Variants in UBE2F observed in about 807,000 individuals in gnomAD.
The protein encoded by UBE2F is ubiquitin conjugating enzyme E2 F (putative).
A neutral mutation model predicts 29.6 loss-of-function variants in UBE2F; 5 were observed. The observed-to-expected ratio is 0.17, with a 90% CI of 0.09 to 0.36. The LOEUF (loss-of-function observed/expected upper bound fraction) is 0.36. Ranked by LOEUF, UBE2F falls within the 10% of genes least tolerant of loss-of-function variation. The probability of loss-of-function intolerance (pLI) is 1.00; values close to 1 mark genes in which losing one functional copy is unlikely to be tolerated. For synonymous variants in UBE2F, 66 were observed against 81.8 expected (o/e 0.81, Z 1.04); for missense variants, 141 against 228.5 (o/e 0.62, Z 2.47).
At position 238,040,711 on chromosome 2, in the gene UBE2F, C is replaced by T. The variant is rs2064820417; in HGVS notation, c.508-577C>T. On this transcript the variant is annotated intron_variant, in intron 9 of 9. Coordinates refer to ENST00000272930, the MANE Select transcript of UBE2F (RefSeq NM_080678.3). This position sits in a 1 kb window ranked among gnomAD's most constrained non-coding sequence, Gnocchi z 4.4. ...TGGGGTGATTCCTAGGTCCACACCG[C>T]CTTTGGTCACTGTCCACCTTCATTT... Among the ~76,000 whole-genome samples the T allele has an allele frequency of 6.6e-6, 1 of 152,132 alleles. No homozygotes were observed. The highest frequency in any genetic ancestry group is 6.5e-5 in the Admixed American group (1 of 15,278).
intron 6 of UBE2F, among the ~76,000 whole-genome samples, chr2:238,027,864 G>A (rs1390306883): frequency 6.6e-6 from 1 of 152,214 alleles, no homozygotes; most frequent in Non-Finnish European, 1.5e-5. Flanking sequence ...GCACACAGGA[G>A]CACCTTCCTC....
At chr2:237,984,474 C>T (rs528825049) in intron 2 of UBE2F, among the ~76,000 whole-genome samples, 15 of 152,232 alleles carry the variant, frequency 9.9e-5, no homozygotes, top group African/African-American at 2.9e-4. Context: ...ACTGTGCTTT[C>T]GCACATTGCT....
chr2:238,018,296 A>G (rs575680349), intron 5 of UBE2F, among the ~76,000 whole-genome samples: 2 of 152,344 alleles, frequency 1.3e-5, no homozygotes, highest in East Asian at 1.9e-4. Flanking sequence ...TTTGCTGCTA[A>G]ATACTTATGA....
chr2:237,976,679 C>T (rs968759208), intron 2 of UBE2F, among the ~76,000 whole-genome samples: 1 of 152,160 alleles, frequency 6.6e-6, no homozygotes, highest in Non-Finnish European at 1.5e-5. Context: ...TCCATTTATG[C>T]GGCAGAGCCC....
intron 5 of UBE2F, among the ~76,000 whole-genome samples, chr2:238,021,328 C>T (rs1368776177): frequency 6.6e-6 from 1 of 152,198 alleles, no homozygotes; most frequent in African/African-American, 2.4e-5. Context: ...TGAACTCCCA[C>T]TCTCCCTTCT....
chr2:237,990,557 A>G (rs937480967), intron 3 of UBE2F: 26 of 234,950 alleles, frequency 1.1e-4, no homozygotes, highest in Non-Finnish European at 1.9e-4. Flanking sequence ...CCTCAGGTGC[A>G]TGCTACCACG....
intron 2 of UBE2F, among the ~76,000 whole-genome samples, chr2:237,974,515 GTT>G (rs1183199556): frequency 8.7e-5 from 2 of 23,072 alleles, no homozygotes; most frequent in Non-Finnish European, 1.8e-4. Context: ...TTTTTTTTTT[GTT>G]TTTTTTTTTT....
intron 7 of UBE2F, among the ~76,000 whole-genome samples, chr2:238,031,611 T>C (rs73096378): frequency 6.6e-6 from 1 of 152,038 alleles, no homozygotes; most frequent in Admixed American, 6.6e-5. Context: ...AACTCTTGAG[T>C]TGATGAAGAG....
intron 4 of UBE2F, among the ~76,000 whole-genome samples, chr2:238,012,790 G>C (rs944988509): frequency 1.3e-5 from 2 of 152,180 alleles, no homozygotes; most frequent in African/African-American, 4.8e-5. Context: ...AGGCACCATG[G>C]CTGTTGTTTC....
At chr2:238,008,052 C>T (rs1169991761) in intron 4 of UBE2F, among the ~76,000 whole-genome samples, 1 of 152,136 alleles carries the variant, frequency 6.6e-6, no homozygotes, top group African/African-American at 2.4e-5. Flanking sequence ...ATCCTGGGCT[C>T]AAGCAGTCCT....
intron 4 of UBE2F, among the ~76,000 whole-genome samples, chr2:238,007,273 C>G (rs578034497): frequency 6.6e-6 from 1 of 152,064 alleles, no homozygotes; most frequent in African/African-American, 2.4e-5. Flanking sequence ...AGGTGCCCAC[C>G]ACCATGCCCA....
chr2:237,999,327 C>G (rs1224277717), intron 4 of UBE2F, among the ~76,000 whole-genome samples: 1 of 152,126 alleles, frequency 6.6e-6, no homozygotes, highest in Non-Finnish European at 1.5e-5. Flanking sequence ...ACCCTGGCCT[C>G]CCAAAGTGCT....
intron 5 of UBE2F, among the ~76,000 whole-genome samples, chr2:238,017,965 T>G (rs10167355): frequency 0.024 from 3,650 of 152,312 alleles, 144 homozygotes; most frequent in African/African-American, 0.083. Context: ...GGAAATTGAC[T>G]TTTTACCGGA....
intron 6 of UBE2F, among the ~76,000 whole-genome samples, chr2:238,028,023 A>G (rs7559863): frequency 0.021 from 3,172 of 152,334 alleles, 108 homozygotes; most frequent in African/African-American, 0.072. Flanking sequence ...CCAAGCTTCT[A>G]TTACAGTTCG....
chr2:237,990,011 G>A (rs1410811677), intron 3 of UBE2F, among the ~76,000 whole-genome samples: 4 of 151,240 alleles, frequency 2.6e-5, no homozygotes, highest in Admixed American at 2.0e-4. Flanking sequence ...CCAGCTGCTC[G>A]GGAGGCTGGG....
At chr2:237,993,187 C>T (rs368796828) in intron 3 of UBE2F, among the ~76,000 whole-genome samples, 2 of 152,004 alleles carry the variant, frequency 1.3e-5, no homozygotes, top group East Asian at 3.9e-4. Flanking sequence ...GGGGTTTCAC[C>T]ACGTTGGCCA....
chr2:238,025,656 C>A (rs1309681060), intron 6 of UBE2F, among the ~76,000 whole-genome samples: 1 of 152,160 alleles, frequency 6.6e-6, no homozygotes, highest in African/African-American at 2.4e-5. Context: ...CTTAGTGCAG[C>A]CTCCTTGCCT....
At chr2:237,974,388 C>T (rs1278300255) in intron 2 of UBE2F, among the ~76,000 whole-genome samples, 19 of 151,934 alleles carry the variant, frequency 1.3e-4, no homozygotes, top group Non-Finnish European at 1.5e-5. Flanking sequence ...TGGAGTTTCT[C>T]CATGTTGATC....
intron 4 of UBE2F, among the ~76,000 whole-genome samples, chr2:238,015,673 A>G (rs772861852): frequency 1.3e-5 from 2 of 152,232 alleles, no homozygotes; most frequent in Non-Finnish European, 2.9e-5. Flanking sequence ...GGAAAATGAT[A>G]AGATTTAATA....
Sources: gnomAD v4.1 joint callset for allele counts (sites outside exome capture counted in the v4.1 genomes callset) on GRCh38, gnomAD v4.1.1 for gene constraint, Gnocchi (gnomAD v3.1) non-coding constraint, MANE v1.5 for transcripts, NCBI Gene and HGNC (gene_info 2026-07-23, HGNC 2026-07-21) for gene names.